The following ERC2 variants were observed in gnomAD, a reference collection of about 807,000 sequenced individuals.
The protein encoded by ERC2 is ELKS/RAB6-interacting/CAST family member 2, also known as ERC protein 2.
A neutral mutation model predicts 114.8 loss-of-function variants in ERC2; 42 were observed. The ratio of observed to expected loss-of-function variants is 0.37; its 90% CI spans 0.29 to 0.47. The LOEUF is 0.47. ERC2 is among the 20% of genes least tolerant of loss of function. ERC2 has a pLI of 0.99. For missense variants in ERC2, 939 were observed against 1,150.7 expected (o/e 0.82, Z 2.66); for synonymous variants, 454 against 425.5 (o/e 1.07, Z -0.82).
intron 2 of ERC2, among the ~76,000 whole-genome samples, chr3:56,348,096 G>T (rs1183963222): frequency 6.6e-6 from 1 of 152,136 alleles, no homozygotes; most frequent in Admixed American, 6.5e-5. Context: ...TCCCAGGCCA[G>T]ACACCTAAAA....
rs139141557 is a variant in ERC2 at position 55,996,931 on chromosome 3, T to C, written c.2062-4681A>G. Among the ~76,000 whole-genome samples the C allele has an allele frequency of 4.6e-5, 7 of 152,362 alleles. No individual in the cohort carries two copies. In the East Asian group the frequency reaches 1.3e-3, roughly 29 times the overall value. ...TGGCTAAAGCCAAACTATGGGGTTG[T>C]CAAGTATCAAAATCATACGTCTATT... On this transcript the variant is annotated intron_variant, in intron 10 of 17. Transcript: ENST00000288221.
chr3:55,835,324 C>T (rs1220959840), intron 14 of ERC2, among the ~76,000 whole-genome samples: 1 of 152,152 alleles, frequency 6.6e-6, no homozygotes, highest in Non-Finnish European at 1.5e-5. Flanking sequence ...GACCAATATC[C>T]TTGATGAACA....
intron 17 of ERC2, among the ~76,000 whole-genome samples, chr3:55,527,027 G>C (rs555730474): frequency 2.6e-5 from 4 of 152,356 alleles, no homozygotes; most frequent in African/African-American, 9.6e-5. Flanking sequence ...CCTGGATGGG[G>C]GCAGGAGAGT....
At chr3:56,342,997 G>A (rs540397916) in intron 2 of ERC2, among the ~76,000 whole-genome samples, 1 of 151,954 alleles carries the variant, frequency 6.6e-6, no homozygotes, top group Non-Finnish European at 1.5e-5. Context: ...TTCAAGCCAG[G>A]GCTAATCACA....
chr3:55,683,023 G>A (rs916860244), intron 17 of ERC2, among the ~76,000 whole-genome samples: 6 of 152,122 alleles, frequency 3.9e-5, no homozygotes, highest in Non-Finnish European at 7.4e-5. Context: ...CAGACAGGAT[G>A]TAAATAAAGG....
chr3:56,253,393 C>G (rs1007314794), intron 3 of ERC2, among the ~76,000 whole-genome samples: 3 of 152,132 alleles, frequency 2.0e-5, no homozygotes, highest in Non-Finnish European at 4.4e-5. Flanking sequence ...ACTTACTTTT[C>G]TTTTTCTAAA....
chr3:55,515,198 C>T lies in ERC2; in HGVS notation c.*40-3922G>A, dbSNP rs183855265. Among the ~76,000 whole-genome samples, 107 of 152,198 alleles carry T rather than the reference C, an allele frequency of 7.0e-4. 1 individual carries two copies. The East Asian group carries it at 0.02, about 28-fold the overall frequency. ...TTTTCTTTTGATAGGAAAAGATGTC[C>T]GTCCACAACTTTTCAGTGGAAAAAG... On this transcript the variant is annotated intron_variant, in intron 17 of 17. Coordinates refer to ENST00000288221, the MANE Select transcript of ERC2 (RefSeq NM_015576.3).
chr3:56,435,673 T>A (rs1404514455), intron 1 of ERC2, among the ~76,000 whole-genome samples: 1 of 152,246 alleles, frequency 6.6e-6, no homozygotes, highest in African/African-American at 2.4e-5. Context: ...ATCACAGTCT[T>A]CTTTTCCACT....
intron 17 of ERC2, among the ~76,000 whole-genome samples, chr3:55,660,829 C>T (rs2061099200): frequency 6.6e-6 from 1 of 152,182 alleles, no homozygotes; most frequent in Non-Finnish European, 1.5e-5. Context: ...GAGCCTCAAT[C>T]AGGTCCCTCA....
chr3:56,241,612 A>G (rs1474704850), intron 3 of ERC2, among the ~76,000 whole-genome samples: 2 of 152,246 alleles, frequency 1.3e-5, no homozygotes, highest in East Asian at 3.8e-4. Context: ...ATATATGATC[A>G]TAGAGATAAG....
chr3:55,836,035 C>T (rs1270771830), intron 14 of ERC2, among the ~76,000 whole-genome samples: 1 of 150,688 alleles, frequency 6.6e-6, no homozygotes, highest in East Asian at 1.9e-4. Flanking sequence ...ACCTAGGACT[C>T]CAACTTACAA....
At chr3:55,833,171 T>C (rs1478648245) in intron 14 of ERC2, among the ~76,000 whole-genome samples, 10 of 149,954 alleles carry the variant, frequency 6.7e-5, no homozygotes, top group Middle Eastern at 3.4e-3. Flanking sequence ...TGGAACCAAG[T>C]TGGAAAACAC....
intron 5 of ERC2, among the ~76,000 whole-genome samples, chr3:56,141,104 A>C (rs2080829087): frequency 6.6e-6 from 1 of 151,990 alleles, no homozygotes; most frequent in African/African-American, 2.4e-5. Flanking sequence ...TATGCCAACC[A>C]CTCCACCTCT....
chr3:55,710,420 T>C (rs924269400), intron 15 of ERC2, among the ~76,000 whole-genome samples: 5 of 152,150 alleles, frequency 3.3e-5, no homozygotes, highest in African/African-American at 7.2e-5. Context: ...AGAAATCCAA[T>C]TTCCAGAAAG....
chr3:55,654,731 T>A (rs1207397155), intron 17 of ERC2, among the ~76,000 whole-genome samples: 1 of 152,206 alleles, frequency 6.6e-6, no homozygotes, highest in African/African-American at 2.4e-5. Context: ...ACCGGAGGCA[T>A]GTGTTGGAAG....
chr3:55,749,116 G>A (rs568172599), intron 14 of ERC2, among the ~76,000 whole-genome samples: 1 of 152,294 alleles, frequency 6.6e-6, no homozygotes, highest in African/African-American at 2.4e-5. Context: ...ACAAATTGGA[G>A]GTGGGGGAAG....
chr3:55,713,740 T>G (rs960052527), intron 15 of ERC2, among the ~76,000 whole-genome samples: 4 of 152,204 alleles, frequency 2.6e-5, no homozygotes, highest in African/African-American at 9.6e-5. Context: ...GCAACCTCCC[T>G]ATAGAGGTGA....
chr3:55,780,207 T>C lies in ERC2; in HGVS notation c.2565-45289A>G, dbSNP rs527929716. 1.3e-4 allele frequency among the ~76,000 whole-genome samples: 20 copies of C among 152,230 alleles called. No homozygotes were observed. In the South Asian group the frequency reaches 4.2e-3, roughly 32 times the overall value. On this transcript the variant is annotated intron_variant, in intron 14 of 17. Coordinates refer to ENST00000288221, the MANE Select transcript of ERC2 (RefSeq NM_015576.3). ...AAACAATAAGACAAGGAAAACATAC[T>C]AAAACCGCTATTGTAAAAGAGAAGC...
chr3:55,588,135 G>C (rs536418201), intron 17 of ERC2, among the ~76,000 whole-genome samples: 1 of 152,296 alleles, frequency 6.6e-6, no homozygotes, highest in East Asian at 1.9e-4. Flanking sequence ...CTTGTGGCTA[G>C]TGCAAACATC....
Sources: allele counts gnomAD v4.1 joint callset (sites outside exome capture counted in the v4.1 genomes callset), GRCh38; gene constraint gnomAD v4.1.1; transcripts MANE v1.5; gene names NCBI Gene and HGNC (gene_info 2026-07-23, HGNC 2026-07-21).